Variants in MCM9 observed in about 807,000 individuals in gnomAD.
MCM9 encodes the protein minichromosome maintenance 9 homologous recombination repair factor.
Under a neutral mutation model 72.8 loss-of-function variants are expected in MCM9, and 55 were observed. The observed-to-expected ratio is 0.76, with a 90% CI of 0.61 to 0.95. The LOEUF (loss-of-function observed/expected upper bound fraction) is 0.95. Among genes scored for constraint, MCM9 ranks in the 40% least tolerant of loss-of-function variants. The pLI is 0.00. For missense variants in MCM9, 1,279 were observed against 1,377.0 expected, an observed-to-expected ratio of 0.93 and a Z score of 1.13; for synonymous variants, 480 against 503.4, an observed-to-expected ratio of 0.95 and a Z score of 0.62.
At chr6:118,908,922 T>G (rs924078697) in intron 8 of MCM9, 6 of 152,620 alleles carry the variant, frequency 3.9e-5, no homozygotes, top group African/African-American at 1.4e-4. Flanking sequence ...TAAACATGGA[T>G]TCTGAGTTGT....
chr6:118,825,652 C>T (rs1249273763), intron 13 of MCM9, among the ~76,000 whole-genome samples: 1 of 152,148 alleles, frequency 6.6e-6, no homozygotes, highest in East Asian at 1.9e-4. Flanking sequence ...TTTAGAAGTC[C>T]ACATATTTCG....
At position 118,934,966 on chromosome 6, in the gene MCM9, G is replaced by A. The variant is rs1782790775; in HGVS notation, c.-225C>T. ...CCAGAGAGCTCCAGCCAGGCAGCGG[G>A]TTCGTCTCCGGCGCAAGAAGGCTGG... On this transcript the variant is annotated 5_prime_UTR_variant, in exon 1 of 14. Coordinates refer to ENST00000619706, the MANE Select transcript of MCM9 (RefSeq NM_017696.3). 6.6e-6 allele frequency: 1 copy of A among 152,238 alleles called. No homozygotes were observed. Among genetic ancestry groups the A allele is most frequent in the Non-Finnish European group, 1.5e-5 (1 of 68,070 alleles). 9.4% of individuals were successfully genotyped at this position (152,238 alleles called of 1,614,324 possible). A position where few individuals can be genotyped will look rare whatever the true frequency, so the allele number is the denominator to read the frequency against.
At chr6:118,917,985 T>TG in intron 5 of MCM9, 1 of 548,954 alleles carries the variant, frequency 1.8e-6, no homozygotes, top group East Asian at 2.9e-5. Context: ...AGTCAGTATT[T>TG]CCTATTTTTC....
Position 118,923,980 on chromosome 6 carries a change from T to C in MCM9, c.452A>G (p.Lys151Arg). Residue 151 changes from lysine (K) to arginine (R), a missense_variant, in exon 4 of 14, where the codon AAG (lysine) becomes AGG (arginine). Physicochemically the swap from Lys to Arg is conservative, Grantham distance 26. Transcript: ENST00000619706. ...GTCAGCCTTGATCACAAACACATGC[T>C]TGCATTTGTTACACATGTAATCCCG... is the stretch of plus-strand genomic sequence containing the variant. Reference protein sequence around the residue: ...FERDYMCNKCKHVFVIKADFE... With the variant: ...FERDYMCNKCRHVFVIKADFE... 1 of 1,614,212 alleles carries C rather than the reference T, an allele frequency of 6.2e-7. No homozygotes were observed. The highest frequency in any genetic ancestry group is 8.5e-7 in the Non-Finnish European group (1 of 1,180,040).
chr6:118,838,623 A>G (rs1202036170), intron 9 of MCM9, among the ~76,000 whole-genome samples: 3 of 152,130 alleles, frequency 2.0e-5, no homozygotes, highest in Non-Finnish European at 4.4e-5. Context: ...GGGTTTCACC[A>G]TGTTAGCCAG....
intron 8 of MCM9, among the ~76,000 whole-genome samples, chr6:118,866,171 T>A (rs755160788): frequency 2.2e-4 from 33 of 152,156 alleles, no homozygotes; most frequent in Non-Finnish European, 1.3e-4. Context: ...CTGGATGAAC[T>A]CGAATATTTG....
intron 8 of MCM9, chr6:118,900,903 G>C: frequency 2.1e-6 from 3 of 1,461,934 alleles, no homozygotes; most frequent in Non-Finnish European, 2.9e-6. Context: ...CTTGGTAAAT[G>C]TGTATGCCAA....
intron 3 of MCM9, among the ~76,000 whole-genome samples, chr6:118,930,012 A>G (rs928031240): frequency 7.2e-5 from 11 of 152,144 alleles, no homozygotes; most frequent in African/African-American, 2.4e-4. Context: ...AGTGACTCCA[A>G]ACCTTTTTGG....
rs375003158 is a variant in MCM9 at position 118,840,409 on chromosome 6, T to C, written c.1326-11159A>G. 2.3e-4 allele frequency among the ~76,000 whole-genome samples: 35 copies of C among 152,226 alleles called. 1 individual carries two copies. Among genetic ancestry groups the C allele is most frequent in the African/African-American group, 8.2e-4 (34 of 41,534 alleles). Reference sequence around the variant, plus strand: ...TTAAGTCACTGTTTGCTATAGCAGTTAGCCTACTCTGGCTCATATGTAGCA... The same window carrying C: ...TTAAGTCACTGTTTGCTATAGCAGTCAGCCTACTCTGGCTCATATGTAGCA... On this transcript the variant is annotated intron_variant, in intron 9 of 13. Coordinates refer to ENST00000619706, the MANE Select transcript of MCM9 (RefSeq NM_017696.3).
intron 8 of MCM9, chr6:118,894,239 A>G: frequency 7.0e-7 from 1 of 1,437,392 alleles, no homozygotes; most frequent in Non-Finnish European, 9.1e-7. Context: ...AAGCTGCAAA[A>G]CACTGTGGAG....
Position 118,883,069 on chromosome 6 carries a change from C to CAAAAAAA in MCM9, c.1151-26531_1151-26525dup, listed in dbSNP as rs36162403. On this transcript the variant is annotated intron_variant, in intron 8 of 13. Transcript: ENST00000619706. The stretch of plus-strand genomic sequence containing the variant: ...GCCATTTTACATGTGCTCAAAGATG[C>CAAAAAAA]AAAAAAAAAAAAAAAAAAAGGGATG... Among the ~76,000 whole-genome samples the CAAAAAAA allele has an allele frequency of 5.2e-3, 241 of 46,164 alleles. 2 individuals carry two copies. Among genetic ancestry groups the CAAAAAAA allele is most frequent in the African/African-American group, 0.017 (228 of 13,516 alleles). The allele number at this position is 46,164 out of a possible 152,430, so 30.3% of individuals were successfully genotyped here.
chr6:118,900,161 G>A (rs1779708163), intron 8 of MCM9, among the ~76,000 whole-genome samples: 1 of 151,924 alleles, frequency 6.6e-6, no homozygotes. Context: ...AAGAATGTAT[G>A]ACACAGGGGG....
At position 118,827,994 on chromosome 6, in the gene MCM9, C is replaced by T; in HGVS notation, c.1665G>A (p.Gln555=). 4 of 1,551,000 alleles carry T rather than the reference C, an allele frequency of 2.6e-6. No individual in the cohort carries two copies. Among genetic ancestry groups the T allele is most frequent in the Non-Finnish European group, 3.5e-6 (4 of 1,147,090 alleles). ...VLLRYYQMQR[Q]SDCRNAARTT... is the part of the protein sequence containing the mutation. ...TCCGGGCAGCGTTCCGGCAATCACT[C>T]TGCCTTTGCATCTGGTAGTACCGGA... The change falls in exon 11 of 14, where the codon CAG becomes CAA. Residue 555 remains glutamine (Q), a synonymous_variant. Transcript: ENST00000619706.
chr6:118,852,323 A>G (rs1776283353), intron 9 of MCM9, among the ~76,000 whole-genome samples: 1 of 152,188 alleles, frequency 6.6e-6, no homozygotes, highest in African/African-American at 2.4e-5. Flanking sequence ...AAACTTGACT[A>G]TAAATATGAG....
intron 1 of MCM9, among the ~76,000 whole-genome samples, 195 bp from the exon 2 acceptor site, chr6:118,932,935 C>A (rs567544024): frequency 4.6e-5 from 7 of 152,288 alleles, no homozygotes; most frequent in Non-Finnish European, 7.3e-5. Flanking sequence ...TGTATACAGA[C>A]GGATAACAAA....
At chr6:118,834,365 G>GGT (rs1247619812) in intron 9 of MCM9, among the ~76,000 whole-genome samples, 1 of 152,044 alleles carries the variant, frequency 6.6e-6, no homozygotes, top group Non-Finnish European at 1.5e-5. Context: ...TAATCCTTTG[G>GGT]GTGTATACCC....
chr6:118,876,337 C>T (rs890673117), intron 8 of MCM9, among the ~76,000 whole-genome samples: 2 of 151,972 alleles, frequency 1.3e-5, no homozygotes, highest in African/African-American at 4.8e-5. Flanking sequence ...TTGCCAAAGC[C>T]CATGGAATGT....
intron 8 of MCM9, among the ~76,000 whole-genome samples, chr6:118,874,905 G>A (rs536658280): frequency 1.3e-4 from 20 of 152,340 alleles, no homozygotes; most frequent in African/African-American, 4.8e-4. Context: ...CCTGAGGTCA[G>A]GAGTTCGAGA....
chr6:118,926,218 G>A (rs548828973), intron 3 of MCM9, among the ~76,000 whole-genome samples: 40 of 152,242 alleles, frequency 2.6e-4, no homozygotes, highest in African/African-American at 8.7e-4. Flanking sequence ...TAAACCCATC[G>A]TAAATTGAAA....
Sources: allele counts gnomAD v4.1 joint callset (sites outside exome capture counted in the v4.1 genomes callset), GRCh38; gene constraint gnomAD v4.1.1; transcripts MANE v1.5; gene names NCBI Gene and HGNC (gene_info 2026-07-23, HGNC 2026-07-21).